CSNK1G3: variants seen among roughly 807,000 people sequenced by gnomAD.
CSNK1G3 encodes casein kinase 1 gamma 3.
A neutral mutation model predicts 64.3 loss-of-function variants in CSNK1G3; 23 were observed. The observed-to-expected ratio is 0.36, with a 90% confidence interval of 0.26 to 0.51. CSNK1G3 has a LOEUF of 0.51. Among genes scored for constraint, CSNK1G3 ranks in the 20% least tolerant of loss-of-function variants. The pLI is 0.96. For synonymous variants in CSNK1G3, 158 were observed against 162.2 expected (o/e 0.97, Z 0.20); for missense variants, 357 against 510.5 (o/e 0.70, Z 2.90).
intron 1 of CSNK1G3, among the ~76,000 whole-genome samples, chr5:123,540,028 C>A (rs1038442122): frequency 6.6e-6 from 1 of 152,020 alleles, no homozygotes; most frequent in Non-Finnish European, 1.5e-5. Context: ...TGTTCTTGAT[C>A]ATTTTTGCTA....
chr5:123,591,140 TTC>T (rs1352839587), intron 9 of CSNK1G3, among the ~76,000 whole-genome samples, 177 bp from the exon 10 acceptor site: 10 of 152,108 alleles, frequency 6.6e-5, no homozygotes, highest in African/African-American at 1.9e-4. Context: ...AGTAGGTATA[TTC>T]TTTTTGCTTT....
At chr5:123,572,302 C>T (rs1788282762) in intron 4 of CSNK1G3, among the ~76,000 whole-genome samples, 1 of 152,112 alleles carries the variant, frequency 6.6e-6, no homozygotes, top group Non-Finnish European at 1.5e-5. Context: ...AAATTGATCA[C>T]TTACATTTCA....
At chr5:123,598,395 A>G (rs1315181053) in intron 10 of CSNK1G3, among the ~76,000 whole-genome samples, 4 of 152,174 alleles carry the variant, frequency 2.6e-5, no homozygotes, top group Non-Finnish European at 5.9e-5. Context: ...AAGTCAGTCA[A>G]GGAGGCTGAT....
At chr5:123,571,629 G>A (rs930425077) in intron 4 of CSNK1G3, among the ~76,000 whole-genome samples, 10 of 152,124 alleles carry the variant, frequency 6.6e-5, no homozygotes, top group African/African-American at 1.9e-4. Context: ...TTGGTTTTTA[G>A]TTCAGTGTTT....
At chr5:123,584,487 C>T (rs1052534480) in intron 6 of CSNK1G3, among the ~76,000 whole-genome samples, 10 of 152,154 alleles carry the variant, frequency 6.6e-5, no homozygotes, top group East Asian at 3.8e-4. Context: ...ACCAAACCTA[C>T]ATTCCTAGAA....
intron 4 of CSNK1G3, among the ~76,000 whole-genome samples, chr5:123,560,002 A>G (rs1347881556): frequency 6.6e-6 from 1 of 152,168 alleles, no homozygotes; most frequent in African/African-American, 2.4e-5. Context: ...TATCCAGCAT[A>G]TATAAAGAAC....
chr5:123,600,881 A>G (rs1419566828), intron 10 of CSNK1G3, among the ~76,000 whole-genome samples: 1 of 150,184 alleles, frequency 6.7e-6, no homozygotes, highest in East Asian at 1.9e-4. Context: ...AAATTCTGAC[A>G]GTAAAACTGG....
chr5:123,600,046 A>C (rs534795627), intron 10 of CSNK1G3, among the ~76,000 whole-genome samples: 1 of 152,006 alleles, frequency 6.6e-6, no homozygotes, highest in Non-Finnish European at 1.5e-5. Flanking sequence ...TTATACCTTT[A>C]GTCTTTAGGA....
chr5:123,529,873 C>T (rs534539166), intron 1 of CSNK1G3, among the ~76,000 whole-genome samples: 2 of 152,086 alleles, frequency 1.3e-5, no homozygotes, highest in African/African-American at 4.8e-5. Flanking sequence ...GGTGTGGTGG[C>T]TCATACTTAC....
chr5:123,526,106 T>C (rs1401545389), intron 1 of CSNK1G3, among the ~76,000 whole-genome samples: 1 of 152,072 alleles, frequency 6.6e-6, no homozygotes, highest in Non-Finnish European at 1.5e-5. Flanking sequence ...GGCATAATCA[T>C]GGCTCCCTGC....
At chr5:123,542,866 G>T (rs1781899070) in intron 1 of CSNK1G3, among the ~76,000 whole-genome samples, 1 of 148,476 alleles carries the variant, frequency 6.7e-6, no homozygotes, top group South Asian at 2.1e-4. Context: ...GTGTGTGTGT[G>T]TGTGTGTGTG....
exon 1 of CSNK1G3, chr5:123,512,238 T>G (rs958626972): frequency 6.6e-6 from 1 of 152,150 alleles, no homozygotes; most frequent in Non-Finnish European, 1.5e-5. Flanking sequence ...ATGTTTGACC[T>G]CCGGATAAGC....
intron 1 of CSNK1G3, among the ~76,000 whole-genome samples, chr5:123,529,743 A>G (rs930556081): frequency 6.6e-6 from 1 of 152,100 alleles, no homozygotes; most frequent in Admixed American, 6.6e-5. Flanking sequence ...ATTTAGCATG[A>G]CCTCGTCTTG....
At chr5:123,572,285 A>G (rs1262767009) in intron 4 of CSNK1G3, among the ~76,000 whole-genome samples, 1 of 152,208 alleles carries the variant, frequency 6.6e-6, no homozygotes, top group East Asian at 1.9e-4. Flanking sequence ...CAACTTCCAT[A>G]TAAAGTAAAT....
chr5:123,592,638 T>A (rs1041511375), intron 10 of CSNK1G3, among the ~76,000 whole-genome samples: 2 of 151,760 alleles, frequency 1.3e-5, no homozygotes, highest in African/African-American at 4.8e-5. Context: ...AAGTGAAGAT[T>A]AAAGATTAAA....
intron 4 of CSNK1G3, among the ~76,000 whole-genome samples, chr5:123,565,875 T>G (rs114696816): frequency 0.012 from 1,798 of 152,224 alleles, 42 homozygotes; most frequent in African/African-American, 0.04. Context: ...CACAAACCCA[T>G]GAGGGATCTG....
At chr5:123,602,513 A>G (rs951650093) in intron 10 of CSNK1G3, among the ~76,000 whole-genome samples, 1 of 152,154 alleles carries the variant, frequency 6.6e-6, no homozygotes, top group East Asian at 1.9e-4. Context: ...TCAGTTGTCA[A>G]CTCTGTAGCC....
intron 1 of CSNK1G3, among the ~76,000 whole-genome samples, chr5:123,532,625 A>G (rs1229560731): frequency 6.6e-6 from 1 of 151,850 alleles, no homozygotes; most frequent in Non-Finnish European, 1.5e-5. Context: ...TGTCTCCACT[A>G]TTATTGATGG....
At chr5:123,541,599 T>C (rs938789499) in intron 1 of CSNK1G3, among the ~76,000 whole-genome samples, 8 of 152,058 alleles carry the variant, frequency 5.3e-5, no homozygotes, top group Non-Finnish European at 8.8e-5. Flanking sequence ...CAGCTTATTA[T>C]TTTTGTATTT....
Sources: allele counts gnomAD v4.1 joint callset (sites outside exome capture counted in the v4.1 genomes callset), GRCh38; gene constraint gnomAD v4.1.1; transcripts MANE v1.5; gene names NCBI Gene and HGNC (gene_info 2026-07-23, HGNC 2026-07-21).